The following FNBP4 variants were observed in gnomAD, a reference collection of about 807,000 sequenced individuals.
FNBP4 encodes formin binding protein 4.
Under a neutral mutation model 119.3 loss-of-function variants are expected in FNBP4, and 34 were observed. That is an observed-to-expected ratio of 0.28 (90% CI 0.22 to 0.38). The LOEUF (loss-of-function observed/expected upper bound fraction) is 0.38, where lower values mean the gene tolerates loss of function less well. Ranked by LOEUF, FNBP4 falls within the 10% of genes least tolerant of loss-of-function variation. The pLI is 1.00. For missense variants in FNBP4, 1,112 were observed against 1,228.9 expected (o/e 0.90, Z 1.42); for synonymous variants, 462 against 430.6 (o/e 1.07, Z -0.90).
At position 47,719,997 on chromosome 11, in the gene FNBP4, G is replaced by C; in HGVS notation, c.2895C>G (p.Ser965=). 1.9e-6 allele frequency: 3 copies of C among 1,613,976 alleles called. No homozygotes were observed. Among genetic ancestry groups the C allele is most frequent in the Non-Finnish European group, 2.5e-6 (3 of 1,179,960 alleles). ...CAGTTGATTCCCGATCCTCTTCACT[G>C]GAACTAGAATTGTCCTCTTCATCTA... ...RELDEEDNSS[S]SEEDRESTAQ... Residue 965 remains serine, a synonymous_variant, in exon 16 of 17, where the codon TCC becomes TCG. Coordinates refer to ENST00000263773, the MANE Select transcript of FNBP4 (RefSeq NM_015308.5).
rs1307281315 is a variant in FNBP4 at position 47,754,570 on chromosome 11, G to C, written c.408C>G (p.Asn136Lys). 1 of 1,614,078 alleles carries C rather than the reference G, an allele frequency of 6.2e-7. No homozygotes were observed. The highest frequency in any genetic ancestry group is 1.1e-5 in the South Asian group (1 of 91,074). Reference sequence around the variant, plus strand: ...ATGTACTATCAATATCAGTTGACTGGTTTCCATTTGTCTCTTTGGATTGTG... The same window carrying C: ...ATGTACTATCAATATCAGTTGACTGCTTTCCATTTGTCTCTTTGGATTGTG... ...KLAQSKETNGNQSTDIDSTLA... is the reference protein window; with the variant it reads ...KLAQSKETNGKQSTDIDSTLA... Residue 136 changes from asparagine to lysine, a missense_variant, in exon 3 of 17, where the codon AAC becomes AAG. This residue lies in a region of FNBP4 where 286 missense variants were observed against 240.1 expected (regional missense o/e 1.19). Transcript: ENST00000263773.
rs750348533 is a variant in FNBP4, at chr11:47,767,312, A to G, written c.-24T>C. ...ATCGCGAGCCCAAGCGCGAGCAGAGAGCGTCGGGCGGCCGAGAGGGGCGGG... is the reference window on the plus strand; with the variant it reads ...ATCGCGAGCCCAAGCGCGAGCAGAGGGCGTCGGGCGGCCGAGAGGGGCGGG... On this transcript the variant is annotated 5_prime_UTR_variant, in exon 1 of 17. Transcript: ENST00000263773. The G allele has an allele frequency of 2.9e-5, 42 of 1,462,886 alleles. No homozygotes were observed. Among genetic ancestry groups the G allele is most frequent in the Non-Finnish European group, 2.2e-5 (24 of 1,113,960 alleles). 90.6% of individuals were successfully genotyped at this position (1,462,886 alleles called of 1,614,324 possible).
At chr11:47,753,298 A>C (rs963677421) in intron 3 of FNBP4, among the ~76,000 whole-genome samples, 196 bp from the exon 4 acceptor site, 2 of 152,102 alleles carry the variant, frequency 1.3e-5, no homozygotes, top group African/African-American at 4.8e-5. Context: ...AACATGGTGA[A>C]ATCTCCCTCT....
chr11:47,736,784 A>T, intron 8 of FNBP4, 44 bp from the exon 9 acceptor site: 2 of 1,507,376 alleles, frequency 1.3e-6, no homozygotes, highest in Non-Finnish European at 1.8e-6. Flanking sequence ...ACCAATACTT[A>T]TAGAACACTA....
At chr11:47,721,587 G>A (rs954052665) in intron 15 of FNBP4, among the ~76,000 whole-genome samples, 29 of 152,048 alleles carry the variant, frequency 1.9e-4, no homozygotes, top group African/African-American at 6.3e-4. Flanking sequence ...GGGTGACAGA[G>A]ACTCTGTCTC....
At chr11:47,754,270 T>C (rs781674177) in intron 3 of FNBP4, among the ~76,000 whole-genome samples, 1 of 150,932 alleles carries the variant, frequency 6.6e-6, no homozygotes, top group Admixed American at 6.6e-5. Flanking sequence ...TCCCAGCACT[T>C]TGGAAGGCCG....
intron 8 of FNBP4, among the ~76,000 whole-genome samples, chr11:47,742,706 G>A (rs899986966): frequency 2.0e-5 from 3 of 151,236 alleles, no homozygotes; most frequent in Non-Finnish European, 4.4e-5. Flanking sequence ...TTGCCAACAT[G>A]GTGAAACCCC....
chr11:47,766,537 C>G (rs1031101780), intron 1 of FNBP4, among the ~76,000 whole-genome samples: 5 of 152,244 alleles, frequency 3.3e-5, no homozygotes, highest in Non-Finnish European at 5.9e-5. Context: ...AATCTAAGCA[C>G]CACTCCAGTG....
intron 2 of FNBP4, among the ~76,000 whole-genome samples, chr11:47,761,754 G>GA (rs1166872363): frequency 6.6e-6 from 1 of 151,474 alleles, no homozygotes; most frequent in Admixed American, 6.6e-5. Context: ...TCTACAGAAA[G>GA]AAAAAAAATT....
chr11:47,727,296 C>T (rs1250151570), intron 12 of FNBP4, among the ~76,000 whole-genome samples: 2 of 150,538 alleles, frequency 1.3e-5, no homozygotes, highest in Non-Finnish European at 3.0e-5. Flanking sequence ...CTTGTCCACG[C>T]CGGAGTGCAG....
chr11:47,767,199 G>C lies in FNBP4; in HGVS notation c.90C>G (p.Asp30Glu), dbSNP rs1251598941. The change falls in exon 1 of 17, where the codon GAC becomes GAG. Residue 30 changes from aspartate (D) to glutamate (E), a missense_variant. By Grantham distance (45) the Asp-to-Glu change is conservative. Around this residue, in one of 2 missense-constraint regions of FNBP4, gnomAD observed 286 missense variants for 240.1 expected, o/e 1.19. Coordinates refer to ENST00000263773, the MANE Select transcript of FNBP4 (RefSeq NM_015308.5). ...GCTCAGTGTCGGGTTCCGGCTCCGGGTCCCGGCCCGGCGTGCTGCCCCGAG... is the reference window on the plus strand; with the variant it reads ...GCTCAGTGTCGGGTTCCGGCTCCGGCTCCCGGCCCGGCGTGCTGCCCCGAG... ...PGPRGSTPGRDPEPEPDTEPD... is the reference protein window; with the variant it reads ...PGPRGSTPGREPEPEPDTEPD... 5.1e-6 allele frequency: 8 copies of C among 1,563,246 alleles called. No individual in the cohort carries two copies. In the East Asian group the frequency reaches 7.1e-5, roughly 14 times the overall value.
At position 47,724,775 on chromosome 11, in the gene FNBP4, G is replaced by T; in HGVS notation, c.2012C>A (p.Ser671Tyr). The part of the protein sequence containing the change: ...STESSETSTG[S>Y]LCKESFSGQV... ...ACCAGAAAAGGATTCTTTACAAAGA[G>T]AACCTATGAAAACAGGTAAGAGTCA... Residue 671 changes from serine to tyrosine, a missense_variant, in exon 13 of 17, where the codon TCT (serine) becomes TAT (tyrosine). This residue lies in a region of FNBP4 where 826 missense variants were observed against 988.8 expected (regional missense o/e 0.84). Coordinates refer to ENST00000263773, the MANE Select transcript of FNBP4 (RefSeq NM_015308.5). 2 of 1,541,486 alleles carry T rather than the reference G, an allele frequency of 1.3e-6. No homozygotes were observed. Among genetic ancestry groups the T allele is most frequent in the Non-Finnish European group, 1.7e-6 (2 of 1,145,234 alleles).
At chr11:47,746,688 G>C (rs1263181968) in intron 6 of FNBP4, among the ~76,000 whole-genome samples, 1 of 151,780 alleles carries the variant, frequency 6.6e-6, no homozygotes, top group Non-Finnish European at 1.5e-5. Flanking sequence ...CTAATTTTTT[G>C]TATTTTTAGT....
chr11:47,743,884 A>G (rs1458335572), intron 8 of FNBP4, 69 bp downstream of exon 8: 2 of 1,439,890 alleles, frequency 1.4e-6, no homozygotes, highest in South Asian at 2.4e-5. Context: ...AGAGGAAACA[A>G]AAAAAGACAA....
At chr11:47,745,282 G>A (rs2097588187) in intron 7 of FNBP4, among the ~76,000 whole-genome samples, 1 of 152,118 alleles carries the variant, frequency 6.6e-6, no homozygotes, top group Non-Finnish European at 1.5e-5. Flanking sequence ...CTTGCATAGA[G>A]CCCATAAATG....
Position 47,734,143 on chromosome 11 carries a change from A to C in FNBP4, c.1582-14T>G. 1 of 1,434,562 alleles carries C rather than the reference A, an allele frequency of 7.0e-7. No homozygotes were observed. The highest frequency in any genetic ancestry group is 9.6e-7 in the Non-Finnish European group (1 of 1,045,952). 88.9% of individuals were successfully genotyped at this position (1,434,562 alleles called of 1,614,324 possible). ...TCCAATCTGAAACTACAATGCAAAA[A>C]AGAAAAAAAGTAAAACTAGAATCCG... is the stretch of plus-strand genomic sequence containing the variant. On this transcript the variant is annotated splice_polypyrimidine_tract_variant and intron_variant, in intron 9 of 16. Transcript: ENST00000263773.
chr11:47,767,170 T>A lies in FNBP4; in HGVS notation c.119A>T (p.Asp40Val). 1 of 1,554,912 alleles carries A rather than the reference T, an allele frequency of 6.4e-7. No homozygotes were observed. Among genetic ancestry groups the A allele is most frequent in the Non-Finnish European group, 8.7e-7 (1 of 1,155,438 alleles). Residue 40 changes from aspartate to valine, a missense_variant, in exon 1 of 17, where the codon GAC becomes GTC. Around this residue, in one of 2 missense-constraint regions of FNBP4, gnomAD observed 286 missense variants for 240.1 expected, o/e 1.19. Transcript: ENST00000263773. ...CTGGCTGGGGACCGCCGCGGTTGAG[T>A]CCGGCTCAGTGTCGGGTTCCGGCTC... ...DPEPEPDTEP[D>V]STAAVPSQPA...
intron 6 of FNBP4, among the ~76,000 whole-genome samples, chr11:47,750,691 A>C (rs1438396610): frequency 2.0e-4 from 1 of 4,904 alleles, no homozygotes; most frequent in African/African-American, 2.9e-4. Context: ...TCTGTCTCAA[A>C]AAAAAAAAAA....
At chr11:47,762,057 C>T (rs1245599886) in intron 2 of FNBP4, among the ~76,000 whole-genome samples, 3 of 151,356 alleles carry the variant, frequency 2.0e-5, no homozygotes, top group African/African-American at 7.3e-5. Flanking sequence ...AGGCTGGTCT[C>T]GAACTCCAGA....
Sources: allele counts gnomAD v4.1 joint callset (sites outside exome capture counted in the v4.1 genomes callset), GRCh38; gene constraint gnomAD v4.1.1; regional missense constraint gnomAD v4.1.1; transcripts MANE v1.5; gene names NCBI Gene and HGNC (gene_info 2026-07-23, HGNC 2026-07-21).